Variants in TEAD4 observed in about 807,000 individuals in gnomAD.
TEAD4 encodes the protein TEA domain transcription factor 4.
In TEAD4, 36 loss-of-function variants were observed where a neutral mutation model predicts 52.4. The ratio of observed to expected loss-of-function variants is 0.69; its 90% CI spans 0.53 to 0.91. TEAD4 has a LOEUF of 0.91. Among genes scored for constraint, TEAD4 ranks in the 40% least tolerant of loss-of-function variants. TEAD4 has a pLI of 0.00. For synonymous variants in TEAD4, 220 were observed against 231.0 expected (o/e 0.95, Z 0.43); for missense variants, 508 against 583.9 (o/e 0.87, Z 1.34).
At chr12:3,022,229 G>A (rs562533597) in intron 10 of TEAD4, among the ~76,000 whole-genome samples, 6 of 152,320 alleles carry the variant, frequency 3.9e-5, no homozygotes, top group African/African-American at 1.4e-4. Context: ...CTAGTCGAAC[G>A]AGGCCTTGTC....
intron 2 of TEAD4, among the ~76,000 whole-genome samples, chr12:2,963,860 G>C (rs530315295): frequency 5.6e-4 from 85 of 152,308 alleles, no homozygotes; most frequent in Admixed American, 3.7e-3. Flanking sequence ...CCCTGTAGCG[G>C]GGGCTGGCTC....
chr12:3,024,530 G>A (rs1350565553), intron 10 of TEAD4, among the ~76,000 whole-genome samples: 77 of 152,136 alleles, frequency 5.1e-4, no homozygotes, highest in Admixed American at 5.0e-3. Flanking sequence ...GGTGGTGTGT[G>A]CCTGTGGTCT....
At position 2,998,440 on chromosome 12, in the gene TEAD4, T is replaced by G. The variant is rs1316750683; in HGVS notation, c.226+3448T>G. Among the ~76,000 whole-genome samples the G allele has an allele frequency of 2.7e-4, 40 of 149,682 alleles. 1 individual carries two copies. In the Admixed American group the frequency reaches 2.7e-3, roughly 10 times the overall value. ...AAGCCACTGACTCAGGGAAGCAGAC[T>G]GAAAATGGTTTGGCAAACTGTCCTG... On this transcript the variant is annotated intron_variant, in intron 3 of 12. Transcript: ENST00000359864.
chr12:2,987,921 CAG>C (rs1466698190), intron 2 of TEAD4, among the ~76,000 whole-genome samples: 8 of 150,446 alleles, frequency 5.3e-5, no homozygotes, highest in African/African-American at 1.7e-4. Flanking sequence ...AAAAATTAGC[CAG>C]GCGTGATGGT....
At chr12:2,978,210 T>C (rs1281660128) in intron 2 of TEAD4, among the ~76,000 whole-genome samples, 4 of 152,170 alleles carry the variant, frequency 2.6e-5, no homozygotes, top group Non-Finnish European at 5.9e-5. Context: ...TTAAACAATT[T>C]TTTTGGTGAA....
intron 2 of TEAD4, among the ~76,000 whole-genome samples, chr12:2,980,058 G>A (rs2098232902): frequency 6.6e-6 from 1 of 152,164 alleles, no homozygotes; most frequent in African/African-American, 2.4e-5. Flanking sequence ...GGTTGGAATT[G>A]TGTGGCAGAA....
intron 2 of TEAD4, among the ~76,000 whole-genome samples, chr12:2,971,568 C>T (rs998368058): frequency 2.2e-4 from 33 of 151,660 alleles, no homozygotes; most frequent in Non-Finnish European, 4.0e-4. Context: ...CTCCGCCTCC[C>T]GGGTTCATGC....
intron 6 of TEAD4, 135 bp from the exon 7 acceptor site, chr12:3,018,410 C>T: frequency 1.0e-6 from 1 of 953,680 alleles, no homozygotes; most frequent in Non-Finnish European, 1.6e-6. Context: ...TGTTAGCATT[C>T]ACTAGCTAGG....
intron 11 of TEAD4, among the ~76,000 whole-genome samples, chr12:3,039,503 A>T (rs966357674): frequency 7.2e-5 from 11 of 152,174 alleles, no homozygotes; most frequent in Non-Finnish European, 2.9e-5. Flanking sequence ...AATTTGCATG[A>T]TCACCACCAG....
rs139250673 is a variant in TEAD4 at position 2,985,046 on chromosome 12, C to G, written c.-29-9692C>G. Among the ~76,000 whole-genome samples, 478 of 152,332 alleles carry G rather than the reference C, an allele frequency of 3.1e-3. 1 individual carries two copies. Among genetic ancestry groups the G allele is most frequent in the African/African-American group, 0.01 (431 of 41,578 alleles). ...TTCAAGAATATATTAACTTGGCTTT[C>G]TGTAACTTTTTTACTTTATAAACTT... On this transcript the variant is annotated intron_variant, in intron 2 of 12. Coordinates refer to ENST00000359864, the MANE Select transcript of TEAD4 (RefSeq NM_003213.4).
chr12:2,988,731 G>A (rs1460676629), intron 2 of TEAD4, among the ~76,000 whole-genome samples: 1 of 152,106 alleles, frequency 6.6e-6, no homozygotes, highest in Non-Finnish European at 1.5e-5. Flanking sequence ...ACCTCAGGGA[G>A]GCAAGAGGGG....
intron 3 of TEAD4, among the ~76,000 whole-genome samples, chr12:2,997,695 G>A (rs371444419): frequency 2.0e-5 from 3 of 151,686 alleles, no homozygotes; most frequent in Non-Finnish European, 4.4e-5. Flanking sequence ...GGCGGAGGGC[G>A]CTGTGGGTGT....
At chr12:2,998,970 C>A (rs1277623679) in intron 3 of TEAD4, among the ~76,000 whole-genome samples, 1 of 152,190 alleles carries the variant, frequency 6.6e-6, no homozygotes, top group Non-Finnish European at 1.5e-5. Flanking sequence ...CCGCTCACCC[C>A]GTCTCTTCTT....
chr12:3,004,787 C>T (rs1296682633), intron 3 of TEAD4, among the ~76,000 whole-genome samples: 1 of 152,222 alleles, frequency 6.6e-6, no homozygotes, highest in Non-Finnish European at 1.5e-5. Flanking sequence ...CAGGCCACGG[C>T]AGCTCCCTCT....
At chr12:3,028,182 A>C (rs921406209) in intron 10 of TEAD4, among the ~76,000 whole-genome samples, 6 of 152,204 alleles carry the variant, frequency 3.9e-5, no homozygotes, top group Non-Finnish European at 8.8e-5. Context: ...GGCCAAATGT[A>C]CGGAGAGTCC....
intron 10 of TEAD4, among the ~76,000 whole-genome samples, chr12:3,025,936 C>T (rs1429559434): frequency 1.3e-5 from 2 of 150,220 alleles, no homozygotes; most frequent in Non-Finnish European, 3.0e-5. Context: ...TATTATGTAA[C>T]TTTTTTTTTT....
At chr12:3,007,449 T>G (rs1000652246) in intron 3 of TEAD4, among the ~76,000 whole-genome samples, 5 of 152,214 alleles carry the variant, frequency 3.3e-5, no homozygotes, top group Non-Finnish European at 7.3e-5. Flanking sequence ...TCTGGTGCAG[T>G]TCTCTGGCAA....
chr12:2,973,859 G>A (rs189094728), intron 2 of TEAD4, among the ~76,000 whole-genome samples: 5 of 152,268 alleles, frequency 3.3e-5, no homozygotes, highest in South Asian at 2.1e-4. Context: ...TGGGAGGCGC[G>A]GTAACTGGCA....
intron 7 of TEAD4, 37 bp downstream of exon 7, chr12:3,018,625 C>A: frequency 6.2e-7 from 1 of 1,613,844 alleles, no homozygotes; most frequent in Middle Eastern, 1.7e-4. Flanking sequence ...CCAGTTGCTC[C>A]CTGAACTGAA....
Sources: allele counts gnomAD v4.1 joint callset (sites outside exome capture counted in the v4.1 genomes callset), GRCh38; gene constraint gnomAD v4.1.1; transcripts MANE v1.5; gene names NCBI Gene and HGNC (gene_info 2026-07-23, HGNC 2026-07-21).